The following DCBLD2 variants were observed in gnomAD, a reference collection of about 807,000 sequenced individuals.
DCBLD2 encodes the protein discoidin, CUB and LCCL domain containing 2.
Under a neutral mutation model 86.8 loss-of-function variants are expected in DCBLD2, and 54 were observed. That is an observed-to-expected ratio of 0.62 (90% CI 0.50 to 0.78). The LOEUF is 0.78. DCBLD2 is among the 30% of genes least tolerant of loss of function. DCBLD2 has a pLI of 0.00. For missense variants in DCBLD2, 908 were observed against 954.2 expected (o/e 0.95, Z 0.64); for synonymous variants, 354 against 341.3 (o/e 1.04, Z -0.41).
chr3:98,857,061 T>C (rs1006580542), intron 2 of DCBLD2, among the ~76,000 whole-genome samples: 8 of 152,188 alleles, frequency 5.3e-5, no homozygotes, highest in Admixed American at 5.2e-4. Flanking sequence ...GTTTGTTCTT[T>C]CTGATGTTCG....
chr3:98,798,294 AAAAATAT>A lies in DCBLD2; in HGVS notation c.*1071_*1077del, dbSNP rs1425864666. 2.0e-5 allele frequency: 3 copies of A among 152,276 alleles called. No homozygotes were observed. Among genetic ancestry groups the A allele is most frequent in the Non-Finnish European group, 2.9e-5 (2 of 68,046 alleles). 9.4% of individuals were successfully genotyped at this position (152,276 alleles called of 1,614,324 possible). A position where few individuals can be genotyped will look rare whatever the true frequency, so the allele number is the denominator to read the frequency against. On this transcript the variant is annotated 3_prime_UTR_variant, in exon 16 of 16. Transcript: ENST00000326840. The stretch of plus-strand genomic sequence containing the variant: ...AAATGAAAAATTATTTTTTCTGACT[AAAAATAT>A]AAAATACCTTGAGACTCAAGAAAAA...
chr3:98,890,491 T>C (rs954456555), intron 1 of DCBLD2: 1 of 152,068 alleles, frequency 6.6e-6, no homozygotes, highest in African/African-American at 2.4e-5. Flanking sequence ...GTTAAGCTTG[T>C]GGTACTTTGT....
intron 12 of DCBLD2, 40 bp downstream of exon 12, chr3:98,811,154 C>A: frequency 1.3e-6 from 2 of 1,527,396 alleles, no homozygotes; most frequent in East Asian, 2.3e-5. Context: ...AAGAACAAAA[C>A]AATACTATGT....
intron 2 of DCBLD2, among the ~76,000 whole-genome samples, chr3:98,870,789 GAAAGAA>G (rs1553731710): frequency 6.6e-6 from 1 of 150,876 alleles, no homozygotes; most frequent in Non-Finnish European, 1.5e-5. Context: ...AAGAAAGAAA[GAAAGAA>G]AGAAAGAAAG....
intron 2 of DCBLD2, among the ~76,000 whole-genome samples, chr3:98,859,038 T>C (rs1243913700): frequency 6.6e-6 from 1 of 152,144 alleles, no homozygotes; most frequent in Non-Finnish European, 1.5e-5. Flanking sequence ...ATACCGCACT[T>C]TTCCAATGGT....
chr3:98,816,270 G>T (rs1414463673), intron 9 of DCBLD2: 1 of 148,856 alleles, frequency 6.7e-6, no homozygotes, highest in East Asian at 2.0e-4. Context: ...AAAAACCACT[G>T]ATCAACCCAG....
At chr3:98,830,350 C>T (rs991607919) in intron 3 of DCBLD2, among the ~76,000 whole-genome samples, 9 of 152,044 alleles carry the variant, frequency 5.9e-5, no homozygotes, top group Non-Finnish European at 7.4e-5. Flanking sequence ...CATTGTCTTC[C>T]AGGGTTTTTA....
intron 3 of DCBLD2, among the ~76,000 whole-genome samples, chr3:98,839,992 G>A (rs1942592003): frequency 6.6e-6 from 1 of 152,202 alleles, no homozygotes; most frequent in Non-Finnish European, 1.5e-5. Flanking sequence ...GTTAGGAAAT[G>A]TGCTCAGCAT....
intron 1 of DCBLD2, among the ~76,000 whole-genome samples, chr3:98,883,721 T>A (rs555736300): frequency 1.3e-5 from 2 of 152,156 alleles, no homozygotes; most frequent in African/African-American, 2.4e-5. Context: ...CAGCATTTTG[T>A]CCTTCAAAAC....
rs1421525063 is a variant in DCBLD2 at position 98,798,664 on chromosome 3, A to C, written c.*708T>G. ...AGCATCACTCATCAGAAATACTCAA[A>C]CATTTTATAAACACAAGAATGGGGC... On this transcript the variant is annotated 3_prime_UTR_variant, in exon 16 of 16. Coordinates refer to ENST00000326840, the MANE Select transcript of DCBLD2 (RefSeq NM_080927.4). 1.3e-5 allele frequency: 2 copies of C among 152,256 alleles called. No individual in the cohort carries two copies. The highest frequency in any genetic ancestry group is 3.8e-4 in the East Asian group (2 of 5,200). The allele number at this position is 152,256 out of a possible 1,614,324, so 9.4% of individuals were successfully genotyped here.
At chr3:98,890,987 A>C (rs988525137) in intron 1 of DCBLD2, among the ~76,000 whole-genome samples, 1 of 152,108 alleles carries the variant, frequency 6.6e-6, no homozygotes, top group African/African-American at 2.4e-5. Flanking sequence ...CAACCTCCAC[A>C]TGTCCAGCAG....
At chr3:98,898,776 G>C (rs986951666) in intron 1 of DCBLD2, among the ~76,000 whole-genome samples, 1 of 152,130 alleles carries the variant, frequency 6.6e-6, no homozygotes, top group African/African-American at 2.4e-5. Context: ...CTGCTTTAGG[G>C]TCCTTTGAGT....
intron 2 of DCBLD2, among the ~76,000 whole-genome samples, chr3:98,863,401 C>A (rs1344835752): frequency 6.6e-6 from 1 of 152,154 alleles, no homozygotes; most frequent in African/African-American, 2.4e-5. Context: ...AGCTGCATTG[C>A]CAAGACAATC....
chr3:98,875,095 G>C (rs1943346048), intron 2 of DCBLD2, among the ~76,000 whole-genome samples: 1 of 151,996 alleles, frequency 6.6e-6, no homozygotes, highest in Non-Finnish European at 1.5e-5. Flanking sequence ...ATCAACCATA[G>C]GCATAAGAAA....
chr3:98,845,479 T>C (rs56290036), intron 3 of DCBLD2, among the ~76,000 whole-genome samples: 20,281 of 152,228 alleles, frequency 0.13, 1,420 homozygotes, highest in Middle Eastern at 0.18. Context: ...TAGTTACATT[T>C]ATAACGAGAC....
chr3:98,882,425 T>C (rs924381044), intron 1 of DCBLD2, among the ~76,000 whole-genome samples: 1 of 152,160 alleles, frequency 6.6e-6, no homozygotes, highest in African/African-American at 2.4e-5. Context: ...AGCTCTTTTT[T>C]TTTTAACTTT....
chr3:98,898,355 A>G (rs1943785960), intron 1 of DCBLD2, among the ~76,000 whole-genome samples: 1 of 151,170 alleles, frequency 6.6e-6, no homozygotes, highest in Non-Finnish European at 1.5e-5. Flanking sequence ...ATGATGTCAG[A>G]AAGAAAAAAG....
At position 98,799,063 on chromosome 3, in the gene DCBLD2, T is replaced by G. The variant is rs1203180072; in HGVS notation, c.*309A>C. 4.1e-6 allele frequency: 1 copy of G among 240,998 alleles called. No homozygotes were observed. Among genetic ancestry groups the G allele is most frequent in the Non-Finnish European group, 8.1e-6 (1 of 123,366 alleles). 14.9% of individuals were successfully genotyped at this position (240,998 alleles called of 1,614,324 possible). Reference sequence around the variant, plus strand: ...TTCATTAATGTACCTGCAGCATTGGTAATAAATACTCTGTGATTTTTAATT... The same window carrying G: ...TTCATTAATGTACCTGCAGCATTGGGAATAAATACTCTGTGATTTTTAATT... On this transcript the variant is annotated 3_prime_UTR_variant, in exon 16 of 16. Transcript: ENST00000326840.
Position 98,799,225 on chromosome 3 carries a change from A to T in DCBLD2, c.*147T>A. 1.2e-6 allele frequency: 1 copy of T among 800,568 alleles called. No individual in the cohort carries two copies. The highest frequency in any genetic ancestry group is 1.9e-6 in the Non-Finnish European group (1 of 519,874). 49.6% of individuals were successfully genotyped at this position (800,568 alleles called of 1,614,324 possible). On this transcript the variant is annotated 3_prime_UTR_variant, in exon 16 of 16. Coordinates refer to ENST00000326840, the MANE Select transcript of DCBLD2 (RefSeq NM_080927.4). ...CACCTTAAAGCAAGATGGCAAGATT[A>T]GTAGTTTCCTGTACCTCAGTCACCA...
Sources: gnomAD v4.1 joint callset for allele counts (sites outside exome capture counted in the v4.1 genomes callset) on GRCh38, gnomAD v4.1.1 for gene constraint, MANE v1.5 for transcripts, NCBI Gene and HGNC (gene_info 2026-07-23, HGNC 2026-07-21) for gene names.